The following GALNT13 variants were observed in gnomAD, a reference collection of about 807,000 sequenced individuals.
GALNT13 encodes the protein polypeptide N-acetylgalactosaminyltransferase 13, also known as UDP-GalNAc:polypeptide N-acetylgalactosaminyltransferase 13.
GALNT13 carries 28 observed loss-of-function variants against 64.2 expected under a neutral mutation model. The ratio of observed to expected loss-of-function variants is 0.44; its 90% CI spans 0.32 to 0.60. The LOEUF (loss-of-function observed/expected upper bound fraction) is 0.60, where lower values mean the gene tolerates loss of function less well. Among genes scored for constraint, GALNT13 ranks in the 20% least tolerant of loss-of-function variants. The probability of loss-of-function intolerance (pLI) is 0.05; values close to 1 mark genes in which losing one functional copy is unlikely to be tolerated. For missense variants in GALNT13, 577 were observed against 669.8 expected, an observed-to-expected ratio of 0.86 and a Z score of 1.53; for synonymous variants, 214 against 224.6, an observed-to-expected ratio of 0.95 and a Z score of 0.42.
intron 9 of GALNT13, among the ~76,000 whole-genome samples, chr2:154,349,068 C>T (rs938066339): frequency 2.6e-5 from 4 of 152,184 alleles, no homozygotes; most frequent in Non-Finnish European, 5.9e-5. Context: ...TGTAACAACT[C>T]ATATGTGCTG....
At chr2:153,807,870 T>C in the GALNT13 span, among the ~76,000 whole-genome samples, 2 of 152,148 alleles carry the variant, frequency 1.3e-5, no homozygotes, top group African/African-American at 4.8e-5. Flanking sequence ...TTTGGATCTT[T>C]ATTTATAGGA....
chr2:153,176,867 T>C, the GALNT13 span, among the ~76,000 whole-genome samples: 2 of 150,920 alleles, frequency 1.3e-5, no homozygotes, highest in Non-Finnish European at 3.0e-5. Flanking sequence ...AATGATAAAA[T>C]AATATTTTTT....
At chr2:154,365,097 C>T (rs1697295310) in intron 9 of GALNT13, among the ~76,000 whole-genome samples, 1 of 152,202 alleles carries the variant, frequency 6.6e-6, no homozygotes, top group Non-Finnish European at 1.5e-5. Context: ...ATTAGCATCC[C>T]ACCTAGTTGG....
At chr2:154,238,369 A>T (rs1311837264) in intron 4 of GALNT13, among the ~76,000 whole-genome samples, 2 of 152,024 alleles carry the variant, frequency 1.3e-5, no homozygotes, top group African/African-American at 4.8e-5. Flanking sequence ...TCTAAGTCCA[A>T]ATTCATTTAA....
At chr2:154,302,136 A>G (rs1371444121) in intron 9 of GALNT13, among the ~76,000 whole-genome samples, 2 of 152,004 alleles carry the variant, frequency 1.3e-5, no homozygotes, top group Admixed American at 1.3e-4. Context: ...ATATTTTTAT[A>G]TATTTTCTAA....
intron 9 of GALNT13, among the ~76,000 whole-genome samples, chr2:154,375,182 G>T (rs1004081009): frequency 6.7e-6 from 1 of 148,252 alleles, no homozygotes; most frequent in African/African-American, 2.5e-5. Context: ...TAGAGACAGG[G>T]TTTCACCATG....
At chr2:154,088,887 A>C (rs1269218110) in intron 3 of GALNT13, among the ~76,000 whole-genome samples, 1 of 152,158 alleles carries the variant, frequency 6.6e-6, no homozygotes, top group East Asian at 1.9e-4. Context: ...CCTGGGGCAT[A>C]AATTTATCCA....
the GALNT13 span, among the ~76,000 whole-genome samples, chr2:153,180,458 T>C: frequency 6.6e-6 from 1 of 152,174 alleles, no homozygotes; most frequent in Non-Finnish European, 1.5e-5. Flanking sequence ...TGCATATATG[T>C]TCACCAAGGA....
At chr2:153,260,276 G>C in the GALNT13 span, among the ~76,000 whole-genome samples, 1 of 152,056 alleles carries the variant, frequency 6.6e-6, no homozygotes, top group African/African-American at 2.4e-5. Flanking sequence ...TTCTGCATAC[G>C]TACCATTACC....
At chr2:153,793,865 C>T in the GALNT13 span, among the ~76,000 whole-genome samples, 1 of 152,052 alleles carries the variant, frequency 6.6e-6, no homozygotes, top group Non-Finnish European at 1.5e-5. Flanking sequence ...ACATGTTAAA[C>T]AAATGAATAA....
chr2:154,385,370 G>A (rs977908010), intron 9 of GALNT13, among the ~76,000 whole-genome samples: 8 of 151,866 alleles, frequency 5.3e-5, no homozygotes, highest in South Asian at 2.1e-4. Flanking sequence ...TATCATTCAA[G>A]GGATGATAAT....
At chr2:153,359,365 T>C in the GALNT13 span, among the ~76,000 whole-genome samples, 17 of 152,274 alleles carry the variant, frequency 1.1e-4, no homozygotes, top group African/African-American at 3.6e-4. Flanking sequence ...TTTTAATTTT[T>C]GTCAAAGTGA....
At chr2:153,219,333 G>A in the GALNT13 span, among the ~76,000 whole-genome samples, 1 of 152,306 alleles carries the variant, frequency 6.6e-6, no homozygotes, top group East Asian at 1.9e-4. Flanking sequence ...CTGGTTCATG[G>A]ACAGAAAATA....
At chr2:154,384,114 A>G (rs1168279724) in intron 9 of GALNT13, among the ~76,000 whole-genome samples, 1 of 151,978 alleles carries the variant, frequency 6.6e-6, no homozygotes, top group Non-Finnish European at 1.5e-5. Context: ...TGTTAATGGA[A>G]GAATTTGAAA....
At chr2:153,458,505 A>G in the GALNT13 span, among the ~76,000 whole-genome samples, 1 of 152,012 alleles carries the variant, frequency 6.6e-6, no homozygotes, top group African/African-American at 2.4e-5. Context: ...TCAGTTTAAC[A>G]TTTATACTTT....
At chr2:154,255,335 G>C (rs1333655393) in intron 7 of GALNT13, among the ~76,000 whole-genome samples, 1 of 152,142 alleles carries the variant, frequency 6.6e-6, no homozygotes, top group African/African-American at 2.4e-5. Flanking sequence ...TATGTAGAAA[G>C]CATCCTTTCA....
chr2:154,109,100 C>T (rs1200829414), intron 3 of GALNT13, among the ~76,000 whole-genome samples: 3 of 151,932 alleles, frequency 2.0e-5, no homozygotes, highest in South Asian at 2.1e-4. Context: ...TGATAGAGAT[C>T]GCATTAAGTG....
chr2:154,010,232 A>G (rs1026774173), intron 3 of GALNT13, among the ~76,000 whole-genome samples: 1 of 152,144 alleles, frequency 6.6e-6, no homozygotes, highest in African/African-American at 2.4e-5. Context: ...TGGTTTTCTC[A>G]TAGATGGCTC....
intron 10 of GALNT13, among the ~76,000 whole-genome samples, chr2:154,400,078 G>T (rs570308877): frequency 1.3e-5 from 2 of 152,230 alleles, no homozygotes; most frequent in African/African-American, 4.8e-5. Context: ...ATTCAATTTT[G>T]CATGGCCACG....
Sources: gnomAD v4.1 joint callset for allele counts (sites outside exome capture counted in the v4.1 genomes callset) on GRCh38, gnomAD v4.1.1 for gene constraint, MANE v1.5 for transcripts, NCBI Gene and HGNC (gene_info 2026-07-23, HGNC 2026-07-21) for gene names.